Variants in BRINP1 observed in about 807,000 individuals in gnomAD.
BRINP1 encodes the protein BMP/retinoic acid inducible neural specific 1, also known as BMP/retinoic acid-inducible neural-specific protein 1.
A neutral mutation model predicts 72.9 loss-of-function variants in BRINP1; 17 were observed. The ratio of observed to expected loss-of-function variants is 0.23; its 90% confidence interval spans 0.16 to 0.35. The LOEUF (loss-of-function observed/expected upper bound fraction) is 0.35, where lower values mean the gene tolerates loss of function less well. BRINP1 is among the 10% of genes least tolerant of loss of function. The probability of loss-of-function intolerance (pLI) is 1.00; values close to 1 mark genes in which losing one functional copy is unlikely to be tolerated. For missense variants in BRINP1, 850 were observed against 1,001.6 expected (o/e 0.85, Z 2.04); for synonymous variants, 418 against 378.5 (o/e 1.10, Z -1.21).
chr9:119,230,834 G>A (rs918117005), intron 5 of BRINP1, among the ~76,000 whole-genome samples: 2 of 152,040 alleles, frequency 1.3e-5, no homozygotes, highest in Non-Finnish European at 2.9e-5. Context: ...GGGTGGCCCT[G>A]TTGGAGATTC....
intron 1 of BRINP1, among the ~76,000 whole-genome samples, chr9:119,344,677 G>A (rs989865165): frequency 6.6e-6 from 1 of 152,186 alleles, no homozygotes; most frequent in African/African-American, 2.4e-5. Context: ...CTGAGGTTAT[G>A]AACCTACCTC....
chr9:119,326,186 T>C (rs1168393304), intron 1 of BRINP1, among the ~76,000 whole-genome samples: 2 of 152,200 alleles, frequency 1.3e-5, no homozygotes, highest in African/African-American at 2.4e-5. Flanking sequence ...ATTTTTCCAG[T>C]GTTGTAGTAC....
chr9:119,303,321 C>CAT (rs1234522632), intron 2 of BRINP1, among the ~76,000 whole-genome samples: 2 of 150,220 alleles, frequency 1.3e-5, no homozygotes, highest in Non-Finnish European at 3.0e-5. Flanking sequence ...CACACACACA[C>CAT]ACAGCCTGCC....
chr9:119,282,296 C>G lies in BRINP1; in HGVS notation c.218+30842G>C, dbSNP rs147788847. Among the ~76,000 whole-genome samples, 1,329 of 152,208 alleles carry G rather than the reference C, an allele frequency of 8.7e-3. 21 individuals are homozygous for G. Among genetic ancestry groups the G allele is most frequent in the African/African-American group, 0.031 (1,277 of 41,528 alleles). ...TTAAACAGAAAGTAGATGAAATCCA[C>G]AGGAGGAAAGAGCTGGGATACTTGG... On this transcript the variant is annotated intron_variant, in intron 2 of 7. Coordinates refer to ENST00000265922, the MANE Select transcript of BRINP1 (RefSeq NM_014618.3).
At chr9:119,236,123 T>A (rs892199785) in intron 5 of BRINP1, among the ~76,000 whole-genome samples, 16 of 152,162 alleles carry the variant, frequency 1.1e-4, no homozygotes, top group South Asian at 2.1e-4. Context: ...AGCAAGTAAT[T>A]TTTGCTTCAA....
chr9:119,349,670 C>T (rs1831486104), intron 1 of BRINP1, among the ~76,000 whole-genome samples: 1 of 152,118 alleles, frequency 6.6e-6, no homozygotes, highest in African/African-American at 2.4e-5. Flanking sequence ...AGCATCAGTG[C>T]AGTGAATGTG....
intron 2 of BRINP1, among the ~76,000 whole-genome samples, chr9:119,294,835 AAC>A (rs1176029069): frequency 7.1e-5 from 10 of 141,492 alleles, no homozygotes; most frequent in Admixed American, 6.2e-4. Context: ...TAGCCTGAGC[AAC>A]AGAGTGACAC....
chr9:119,335,027 C>T (rs1270253284), intron 1 of BRINP1, among the ~76,000 whole-genome samples: 1 of 152,068 alleles, frequency 6.6e-6, no homozygotes, highest in African/African-American at 2.4e-5. Flanking sequence ...ATGGGGTGGC[C>T]ATGCACTGCT....
chr9:119,166,847 A>G lies in BRINP1; in HGVS notation c.*237T>C, dbSNP rs1829318369. 1 of 468,488 alleles carries G rather than the reference A, an allele frequency of 2.1e-6. No individual in the cohort carries two copies. The highest frequency in any genetic ancestry group is 2.0e-5 in the African/African-American group (1 of 50,662). 29.0% of individuals were successfully genotyped at this position (468,488 alleles called of 1,614,324 possible). A position where few individuals can be genotyped will look rare whatever the true frequency, so the allele number is the denominator to read the frequency against. On this transcript the variant is annotated 3_prime_UTR_variant, in exon 8 of 8. Transcript: ENST00000265922. ...TAAGAAGCAACTCCCTCAATGCTCCACAAAAGGCTGAGACCCTTCTTCATG... is the reference window on the plus strand; with the variant it reads ...TAAGAAGCAACTCCCTCAATGCTCCGCAAAAGGCTGAGACCCTTCTTCATG...
chr9:119,277,118 C>T (rs1164061760), intron 2 of BRINP1, among the ~76,000 whole-genome samples: 5 of 152,168 alleles, frequency 3.3e-5, no homozygotes, highest in African/African-American at 9.7e-5. Flanking sequence ...CTTTGAGATT[C>T]GCTCAAGCTG....
rs145923812 is a variant in BRINP1, at chr9:119,168,768, T to C, written c.1146-544A>G. ...GCTAGAAATCATGTAGTGATTTCTATTGATGATCTTACATGATCCTCATGG... is the reference window on the plus strand; with the variant it reads ...GCTAGAAATCATGTAGTGATTTCTACTGATGATCTTACATGATCCTCATGG... On this transcript the variant is annotated intron_variant, in intron 7 of 7. Transcript: ENST00000265922. 4.2e-5 allele frequency among the ~76,000 whole-genome samples: 6 copies of C among 142,984 alleles called. 1 individual carries two copies. The highest frequency in any genetic ancestry group is 2.3e-4 in the East Asian group (1 of 4,294). The allele number at this position is 142,984 out of a possible 152,430, so 93.8% of individuals were successfully genotyped here.
intron 5 of BRINP1, among the ~76,000 whole-genome samples, chr9:119,238,451 T>C (rs1287801689): frequency 6.6e-6 from 1 of 152,232 alleles, no homozygotes; most frequent in African/African-American, 2.4e-5. Context: ...GAATTTACTG[T>C]CCTGCATATG....
intron 7 of BRINP1, among the ~76,000 whole-genome samples, chr9:119,198,888 GT>G (rs1203307849): frequency 1.3e-5 from 2 of 152,078 alleles, no homozygotes; most frequent in Non-Finnish European, 2.9e-5. Flanking sequence ...GGCTAGGCTG[GT>G]CTTGAACTCC....
chr9:119,225,122 G>A (rs1440436656), intron 5 of BRINP1, among the ~76,000 whole-genome samples: 2 of 151,908 alleles, frequency 1.3e-5, no homozygotes, highest in African/African-American at 4.8e-5. Flanking sequence ...GTCAAAGGTG[G>A]AAACAACCCT....
chr9:119,230,660 C>G (rs1477131968), intron 5 of BRINP1, among the ~76,000 whole-genome samples: 1 of 151,198 alleles, frequency 6.6e-6, no homozygotes, highest in Admixed American at 6.6e-5. Flanking sequence ...GCTGAGGTTT[C>G]AAGCAGAGAT....
intron 5 of BRINP1, among the ~76,000 whole-genome samples, chr9:119,227,532 T>C (rs1830104554): frequency 6.6e-6 from 1 of 152,080 alleles, no homozygotes; most frequent in African/African-American, 2.4e-5. Flanking sequence ...AAGGCACTGC[T>C]CTTTCATTGA....
In BRINP1 at chr9:119,166,962, CT is replaced by C. The variant is rs1297839133; in HGVS notation, c.*121del. On this transcript the variant is annotated 3_prime_UTR_variant, in exon 8 of 8. Transcript: ENST00000265922. ...TTTCCAACAAATGAAGATTTTCCTC[CT>C]TTTCTTTGAATATTAATTACATTTT... 1 of 1,097,420 alleles carries C rather than the reference CT, an allele frequency of 9.1e-7. No homozygotes were observed. The highest frequency in any genetic ancestry group is 1.6e-5 in the African/African-American group (1 of 63,344). 68.0% of individuals were successfully genotyped at this position (1,097,420 alleles called of 1,614,324 possible). A position where few individuals can be genotyped will look rare whatever the true frequency, so the allele number is the denominator to read the frequency against.
rs538677885 is a variant in BRINP1 at position 119,191,051 on chromosome 9, T to C, written c.1145+17668A>G. On this transcript the variant is annotated intron_variant, in intron 7 of 7. Transcript: ENST00000265922. The stretch of plus-strand genomic sequence containing the variant: ...GATTAAAATCATAAGATCACCTCAA[T>C]TGATACAGAAAAAAGTACTTGACAA... Among the ~76,000 whole-genome samples, 193 of 152,084 alleles carry C rather than the reference T, an allele frequency of 1.3e-3. 2 individuals are homozygous for C. The Middle Eastern group carries it at 0.031, about 24-fold the overall frequency.
At chr9:119,219,556 G>A (rs1462990572) in intron 5 of BRINP1, among the ~76,000 whole-genome samples, 2 of 149,858 alleles carry the variant, frequency 1.3e-5, no homozygotes, top group African/African-American at 4.9e-5. Context: ...ACATATTCCT[G>A]AAGCCCTACT....
Sources: gnomAD v4.1 joint callset for allele counts (sites outside exome capture counted in the v4.1 genomes callset) on GRCh38, gnomAD v4.1.1 for gene constraint, MANE v1.5 for transcripts, NCBI Gene and HGNC (gene_info 2026-07-23, HGNC 2026-07-21) for gene names.